Variants in KCNAB2 observed in about 807,000 individuals in gnomAD.
KCNAB2 encodes potassium voltage-gated channel subfamily A regulatory beta subunit 2.
In KCNAB2, 29 loss-of-function variants were observed where a neutral mutation model predicts 63.6. That is an observed-to-expected ratio of 0.46 (90% CI 0.34 to 0.62). KCNAB2 has a LOEUF of 0.62. KCNAB2 is among the 20% of genes least tolerant of loss of function. The pLI, the probability that KCNAB2 is intolerant of heterozygous loss-of-function variation, is 0.01. For missense variants in KCNAB2, 359 were observed against 563.9 expected, an observed-to-expected ratio of 0.64 and a Z score of 3.68; for synonymous variants, 222 against 224.2, an observed-to-expected ratio of 0.99 and a Z score of 0.09.
At chr1:6,079,474 G>A (rs1027613888) in intron 4 of KCNAB2, among the ~76,000 whole-genome samples, 4 of 151,862 alleles carry the variant, frequency 2.6e-5, no homozygotes, top group African/African-American at 7.3e-5. Flanking sequence ...AGCCAAGATT[G>A]TGCCACTGCA....
chr1:6,063,684 T>G (rs1038522278), intron 2 of KCNAB2, among the ~76,000 whole-genome samples: 1 of 152,244 alleles, frequency 6.6e-6, no homozygotes, highest in Non-Finnish European at 1.5e-5. Context: ...GTGCTGGGAT[T>G]ACAGGCATGA....
intron 2 of KCNAB2, among the ~76,000 whole-genome samples, chr1:6,068,868 T>C (rs376805306): frequency 2.0e-5 from 3 of 152,032 alleles, no homozygotes; most frequent in African/African-American, 7.2e-5. Flanking sequence ...AGTCCACAGG[T>C]ACTAGGAAAC....
At chr1:6,062,991 A>T (rs1227711097) in intron 2 of KCNAB2, among the ~76,000 whole-genome samples, 1 of 151,448 alleles carries the variant, frequency 6.6e-6, no homozygotes, top group Non-Finnish European at 1.5e-5. Flanking sequence ...ACCCCCTGCA[A>T]CCACCAAGCT....
At chr1:6,085,110 T>G (rs1448412966) in intron 5 of KCNAB2, 94 bp from the exon 6 acceptor site, 3 of 1,325,366 alleles carry the variant, frequency 2.3e-6, no homozygotes, top group Non-Finnish European at 3.3e-6. Flanking sequence ...CAGTGACATT[T>G]TCACAGAGGG....
intron 2 of KCNAB2, among the ~76,000 whole-genome samples, chr1:6,070,606 T>C (rs1663106709): frequency 1.3e-5 from 2 of 152,254 alleles, no homozygotes; most frequent in Admixed American, 1.3e-4. Flanking sequence ...TCCATTGTTT[T>C]TGAATAAAGA....
At chr1:6,081,875 A>G (rs1448797909) in intron 4 of KCNAB2, among the ~76,000 whole-genome samples, 1 of 152,244 alleles carries the variant, frequency 6.6e-6, no homozygotes, top group Non-Finnish European at 1.5e-5. Context: ...CTGTGGGGAT[A>G]CTGTTCGACC....
At chr1:6,064,396 A>G (rs996600268) in intron 2 of KCNAB2, among the ~76,000 whole-genome samples, 4 of 152,088 alleles carry the variant, frequency 2.6e-5, no homozygotes, top group African/African-American at 9.7e-5. Context: ...AATCAATGTG[A>G]TCCTTTTTAT....
intron 1 of KCNAB2, among the ~76,000 whole-genome samples, chr1:6,049,873 T>A (rs1278530492): frequency 6.6e-6 from 1 of 152,178 alleles, no homozygotes; most frequent in African/African-American, 2.4e-5. Context: ...GAAACCCCCA[T>A]GAAAGAGGCA....
At chr1:6,084,633 T>C (rs368071939) in intron 5 of KCNAB2, among the ~76,000 whole-genome samples, 31 of 152,148 alleles carry the variant, frequency 2.0e-4, no homozygotes, top group East Asian at 7.8e-4. Context: ...CTGGCCAACA[T>C]AGTGAAACCC....
chr1:6,007,042 C>G (rs1032143664), intron 1 of KCNAB2, among the ~76,000 whole-genome samples: 3 of 152,192 alleles, frequency 2.0e-5, no homozygotes, highest in Admixed American at 1.3e-4. Flanking sequence ...TCCAGAGTGT[C>G]TCTGCTCAGG....
chr1:6,090,046 T>C (rs1243723646), intron 8 of KCNAB2, among the ~76,000 whole-genome samples: 1 of 152,180 alleles, frequency 6.6e-6, no homozygotes, highest in Non-Finnish European at 1.5e-5. Flanking sequence ...GGTGTAGCCC[T>C]CCCTCCACAT....
In KCNAB2 at chr1:6,069,553, G is replaced by A. The variant is rs1663026145; in HGVS notation, c.219-3202G>A. On this transcript the variant is annotated intron_variant, in intron 2 of 15. Transcript: ENST00000378083. This position sits in a 1 kb window ranked among gnomAD's most constrained non-coding sequence, Gnocchi z 5.4. ...ACCGACAGTATTTGGGTTTCGAGATGTTGACCACCTGCTTCATTAGGATGT... is the reference window on the plus strand; with the variant it reads ...ACCGACAGTATTTGGGTTTCGAGATATTGACCACCTGCTTCATTAGGATGT... Among the ~76,000 whole-genome samples, 1 of 152,218 alleles carries A rather than the reference G, an allele frequency of 6.6e-6. No homozygotes were observed. Among genetic ancestry groups the A allele is most frequent in the Non-Finnish European group, 1.5e-5 (1 of 68,034 alleles).
At chr1:6,082,140 G>C in intron 4 of KCNAB2, 55 bp from the exon 5 acceptor site, 1 of 1,486,152 alleles carries the variant, frequency 6.7e-7, no homozygotes, top group Non-Finnish European at 9.4e-7. Flanking sequence ...TGGTGCTCCA[G>C]AGCCTCTGGG....
At position 6,087,568 on chromosome 1, in the gene KCNAB2, C is replaced by A; in HGVS notation, c.470+57C>A. On this transcript the variant is annotated intron_variant, in intron 7 of 15. Coordinates refer to ENST00000378083, the MANE Select transcript of KCNAB2 (RefSeq NM_001199862.2). The surrounding 1 kb of genome is among the most constrained non-coding windows in gnomAD (Gnocchi z 6.4). The stretch of plus-strand genomic sequence containing the variant: ...CCGGCCCAGCAGCCACGGCCCCGTG[C>A]TCCCCAGAGACCCCTGACCTAGAAG... The A allele has an allele frequency of 6.3e-7, 1 of 1,579,658 alleles. No individual in the cohort carries two copies. The highest frequency in any genetic ancestry group is 8.7e-7 in the Non-Finnish European group (1 of 1,149,198).
At chr1:6,000,274 G>A (rs1248113460) in intron 1 of KCNAB2, among the ~76,000 whole-genome samples, 6 of 152,198 alleles carry the variant, frequency 3.9e-5, no homozygotes, top group African/African-American at 7.2e-5. Flanking sequence ...CAGACACAAG[G>A]CCCGGAGCCA....
intron 2 of KCNAB2, among the ~76,000 whole-genome samples, chr1:6,065,912 G>A (rs1003586201): frequency 1.3e-5 from 2 of 152,174 alleles, no homozygotes; most frequent in South Asian, 2.1e-4. Context: ...CGTTGCCTTC[G>A]GAAATCCTCA....
intron 1 of KCNAB2, among the ~76,000 whole-genome samples, chr1:6,004,276 G>T (rs1314580852): frequency 6.6e-6 from 1 of 151,270 alleles, no homozygotes; most frequent in East Asian, 1.9e-4. Context: ...ACCGAGTCTG[G>T]TCTGAAACTC....
chr1:5,999,612 G>A (rs921093427), intron 1 of KCNAB2, among the ~76,000 whole-genome samples: 58 of 152,302 alleles, frequency 3.8e-4, no homozygotes, highest in African/African-American at 1.2e-3. Context: ...TCATCCTCCC[G>A]TGTGTGGCAG....
At chr1:6,038,748 A>G (rs1660255621) in intron 1 of KCNAB2, among the ~76,000 whole-genome samples, 1 of 152,194 alleles carries the variant, frequency 6.6e-6, no homozygotes, top group African/African-American at 2.4e-5. Context: ...CTTCCGAGGA[A>G]GCCGGCTTCC....
Sources: allele counts gnomAD v4.1 joint callset (sites outside exome capture counted in the v4.1 genomes callset), GRCh38; gene constraint gnomAD v4.1.1; non-coding constraint Gnocchi (gnomAD v3.1); transcripts MANE v1.5; gene names NCBI Gene and HGNC (gene_info 2026-07-23, HGNC 2026-07-21).